OR2A42: variants seen among roughly 807,000 people sequenced by gnomAD.
OR2A42 encodes the protein olfactory receptor 2A1/2A42.
For synonymous variants in OR2A42, 5 were observed against 46.4 expected, an observed-to-expected ratio of 0.11 and a Z score of 3.63; for missense variants, 3 against 104.1, an observed-to-expected ratio of 0.03 and a Z score of 4.23.
intron 1 of OR2A42, chr7:144,238,959 G>C (rs1340579141): frequency 1.3e-5 from 2 of 149,498 alleles, no homozygotes; most frequent in Non-Finnish European, 3.0e-5. Context: ...AGCAGAACCA[G>C]TGTGACAATG....
intron 2 of OR2A42, among the ~76,000 whole-genome samples, chr7:144,235,207 T>G (rs2052411718): frequency 6.8e-6 from 1 of 147,038 alleles, no homozygotes; most frequent in Non-Finnish European, 1.5e-5. Flanking sequence ...TCCTCCCACC[T>G]CAGCCTCCCA....
intron 2 of OR2A42, among the ~76,000 whole-genome samples, chr7:144,235,361 G>A (rs1380244141): frequency 6.6e-6 from 1 of 151,486 alleles, no homozygotes; most frequent in Admixed American, 6.6e-5. Flanking sequence ...GCACAAGTAT[G>A]AATTTCTTTG....
intron 2 of OR2A42, among the ~76,000 whole-genome samples, 156 bp from the exon 3 acceptor site, chr7:144,233,003 A>G (rs1320744051): frequency 6.6e-6 from 1 of 152,260 alleles, no homozygotes; most frequent in African/African-American, 2.4e-5. Context: ...AGTGTTATAG[A>G]AGGGATTGTG....
chr7:144,237,490 T>C (rs1442106094), intron 2 of OR2A42, among the ~76,000 whole-genome samples: 120 of 148,790 alleles, frequency 8.1e-4, no homozygotes, highest in Middle Eastern at 3.6e-3. Flanking sequence ...AGTATACCGA[T>C]TACAGTAGGC....
intron 2 of OR2A42, among the ~76,000 whole-genome samples, 178 bp from the exon 3 acceptor site, chr7:144,233,025 AG>A (rs1459026012): frequency 2.6e-5 from 4 of 152,382 alleles, no homozygotes; most frequent in African/African-American, 9.6e-5. Flanking sequence ...CACCAATGAT[AG>A]GATACATAGA....
chr7:144,235,948 TAAAAAA>T (rs76873738), intron 2 of OR2A42, among the ~76,000 whole-genome samples: 1 of 148,838 alleles, frequency 6.7e-6, no homozygotes, highest in African/African-American at 2.5e-5. Context: ...CTAACGAACT[TAAAAAA>T]AAAATCACAT....
rs2052354944 is a variant in OR2A42 at position 144,230,178 on chromosome 7, CT to C, written c.*1732del. 7.7e-6 allele frequency: 1 copy of C among 130,394 alleles called. No homozygotes were observed. The highest frequency in any genetic ancestry group is 1.6e-5 in the Non-Finnish European group (1 of 60,998). The allele number at this position is 130,394 out of a possible 1,614,324, so 8.1% of individuals were successfully genotyped here. ...GTTTGTTTGTTTGTTTTTCCCCCAG[CT>C]TTAAGTACTTTTCTGTCTGGAGCCC... On this transcript the variant is annotated 3_prime_UTR_variant, in exon 3 of 3. Coordinates refer to ENST00000641810, the MANE Select transcript of OR2A42 (RefSeq NM_001001802.3).
Position 144,230,615 on chromosome 7 carries a change from G to A in OR2A42, c.*1296C>T, listed in dbSNP as rs1431981979. 9 of 149,658 alleles carry A rather than the reference G, an allele frequency of 6.0e-5. No individual in the cohort carries two copies. Among genetic ancestry groups the A allele is most frequent in the Non-Finnish European group, 1.2e-4 (8 of 67,236 alleles). The allele number at this position is 149,658 out of a possible 1,614,324, so 9.3% of individuals were successfully genotyped here. A position where few individuals can be genotyped will look rare whatever the true frequency, so the allele number is the denominator to read the frequency against. On this transcript the variant is annotated 3_prime_UTR_variant, in exon 3 of 3. Transcript: ENST00000641810. ...TCTTTGTTCTGGATCTTACCACCCA[G>A]AACCAAGTATAGTTCTAAACTTACT... is the stretch of plus-strand genomic sequence containing the variant.
At chr7:144,236,041 C>T (rs1338249955) in intron 2 of OR2A42, among the ~76,000 whole-genome samples, 1 of 151,940 alleles carries the variant, frequency 6.6e-6, no homozygotes, top group African/African-American at 2.4e-5. Flanking sequence ...TTTGGACAAG[C>T]TTGCTTTAAG....
chr7:144,237,947 G>C (rs1184099519), intron 2 of OR2A42, among the ~76,000 whole-genome samples: 2 of 143,150 alleles, frequency 1.4e-5, no homozygotes, highest in African/African-American at 5.3e-5. Flanking sequence ...AAAAGTGATA[G>C]TACCTATTTT....
At chr7:144,237,516 C>T (rs2052444859) in intron 2 of OR2A42, among the ~76,000 whole-genome samples, 1 of 149,240 alleles carries the variant, frequency 6.7e-6, no homozygotes, top group Admixed American at 6.7e-5. Context: ...TTAAGCAAGC[C>T]AGAAATTCCA....
rs1244058556 is a variant in OR2A42, at chr7:144,229,542, A to G, written c.*2369T>C. ...CGCCTGAGCATGGTTTCTGCACACCATGATTTCCTGCTGCTCCTCTGGTAC... is the reference window on the plus strand; with the variant it reads ...CGCCTGAGCATGGTTTCTGCACACCGTGATTTCCTGCTGCTCCTCTGGTAC... On this transcript the variant is annotated 3_prime_UTR_variant, in exon 3 of 3. Transcript: ENST00000641810. 1.4e-5 allele frequency: 2 copies of G among 138,682 alleles called. No homozygotes were observed. Among genetic ancestry groups the G allele is most frequent in the African/African-American group, 2.7e-5 (1 of 37,604 alleles). 8.6% of individuals were successfully genotyped at this position (138,682 alleles called of 1,614,324 possible).
chr7:144,237,582 C>CCA (rs2052447319), intron 2 of OR2A42, among the ~76,000 whole-genome samples: 6 of 131,934 alleles, frequency 4.5e-5, no homozygotes, highest in Non-Finnish European at 5.3e-5. Flanking sequence ...AAAAAAAAAA[C>CCA]CAAAAAATGA....
intron 2 of OR2A42, among the ~76,000 whole-genome samples, chr7:144,238,120 A>G (rs1309087728): frequency 2.7e-5 from 3 of 110,904 alleles, no homozygotes; most frequent in African/African-American, 1.1e-4. Flanking sequence ...TGCCTCTTCA[A>G]GGTTCACAAT....
rs1241975663 is a variant in OR2A42 at position 144,229,015 on chromosome 7, G to A, written c.*2896C>T. On this transcript the variant is annotated 3_prime_UTR_variant, in exon 3 of 3. Transcript: ENST00000641810. ...TGGTCCAGCTATGCCCTCCAAGAGTGAGTGGCCTCCTGTGCCTCTAGGGGG... is the reference window on the plus strand; with the variant it reads ...TGGTCCAGCTATGCCCTCCAAGAGTAAGTGGCCTCCTGTGCCTCTAGGGGG... 1 of 151,904 alleles carries A rather than the reference G, an allele frequency of 6.6e-6. No individual in the cohort carries two copies. Among genetic ancestry groups the A allele is most frequent in the African/African-American group, 2.4e-5 (1 of 41,416 alleles). The allele number at this position is 151,904 out of a possible 1,614,324, so 9.4% of individuals were successfully genotyped here. A position where few individuals can be genotyped will look rare whatever the true frequency, so the allele number is the denominator to read the frequency against.
At chr7:144,237,914 G>A (rs1428376466) in intron 2 of OR2A42, among the ~76,000 whole-genome samples, 5 of 145,390 alleles carry the variant, frequency 3.4e-5, no homozygotes, top group East Asian at 1.9e-4. Context: ...CTCCAAACTC[G>A]TTTCCTCTTT....
chr7:144,234,966 T>TTTA (rs2052407361), intron 2 of OR2A42, among the ~76,000 whole-genome samples: 5 of 143,104 alleles, frequency 3.5e-5, no homozygotes, highest in Non-Finnish European at 7.7e-5. Flanking sequence ...TTATTTATTT[T>TTTA]TTTGAGACGG....
intron 2 of OR2A42, among the ~76,000 whole-genome samples, chr7:144,235,957 AAT>A (rs1213232098): frequency 2.6e-5 from 4 of 152,104 alleles, no homozygotes; most frequent in African/African-American, 9.7e-5. Flanking sequence ...TTAAAAAAAA[AAT>A]CACATAATAT....
chr7:144,237,752 C>T (rs2128821066), intron 2 of OR2A42, among the ~76,000 whole-genome samples: 1 of 150,040 alleles, frequency 6.7e-6, no homozygotes, highest in East Asian at 1.9e-4. Context: ...GAAAGCAAAA[C>T]ATTAATGAAC....
Sources: gnomAD v4.1 joint callset for allele counts (sites outside exome capture counted in the v4.1 genomes callset) on GRCh38, gnomAD v4.1.1 for gene constraint, MANE v1.5 for transcripts, NCBI Gene and HGNC (gene_info 2026-07-23, HGNC 2026-07-21) for gene names.